Variants in MGRN1 observed in about 807,000 individuals in gnomAD.
MGRN1 encodes mahogunin ring finger 1, also known as E3 ubiquitin-protein ligase MGRN1.
MGRN1 carries 29 observed loss-of-function variants against 69.2 expected under a neutral mutation model. The ratio of observed to expected loss-of-function variants is 0.42; its 90% CI spans 0.31 to 0.57. MGRN1 has a LOEUF of 0.57. Ranked by LOEUF, MGRN1 falls within the 20% of genes least tolerant of loss-of-function variation. The pLI is 0.15. For missense variants in MGRN1, 998 were observed against 796.2 expected (o/e 1.25, Z -3.05); for synonymous variants, 470 against 344.2 (o/e 1.37, Z -4.04).
chr16:4,673,787 C>G (rs776438849), intron 10 of MGRN1, 130 bp downstream of exon 10: 4 of 1,211,546 alleles, frequency 3.3e-6, no homozygotes, highest in Non-Finnish European at 4.5e-6. Context: ...TTCATCTAGT[C>G]TGTGCTGAAC....
At chr16:4,648,568 C>T (rs1279677580) in intron 1 of MGRN1, among the ~76,000 whole-genome samples, 2 of 114,974 alleles carry the variant, frequency 1.7e-5, no homozygotes, top group Admixed American at 8.2e-5. Context: ...GGGCTCTTCC[C>T]GTGGTCACCC....
chr16:4,650,944 T>TG (rs1464073169), intron 2 of MGRN1: 5 of 151,908 alleles, frequency 3.3e-5, no homozygotes, highest in African/African-American at 1.2e-4. Flanking sequence ...CCGTCTCTAC[T>TG]GAAAAAAAAG....
intron 16 of MGRN1, chr16:4,688,540 C>T (rs768068544): frequency 2.8e-4 from 349 of 1,257,250 alleles, no homozygotes; most frequent in Middle Eastern, 2.1e-3. Context: ...CGCTCTGACT[C>T]GGGGCTGCAG....
Position 4,652,834 on chromosome 16 carries a change from G to T in MGRN1, c.443+10G>T, listed in dbSNP as rs747893011. The T allele has an allele frequency of 9.5e-6, 15 of 1,586,316 alleles. No individual in the cohort carries two copies. Among genetic ancestry groups the T allele is most frequent in the African/African-American group, 2.7e-5 (2 of 74,346 alleles). ...TGAACGGCAGGGCAGTGTGAGTCCCGCGGGCGGCTGGCACCGGCCTGGCTG... is the reference window on the plus strand; with the variant it reads ...TGAACGGCAGGGCAGTGTGAGTCCCTCGGGCGGCTGGCACCGGCCTGGCTG... On this transcript the variant is annotated intron_variant, in intron 4 of 16. Coordinates refer to ENST00000262370, the MANE Select transcript of MGRN1 (RefSeq NM_015246.4).
chr16:4,642,086 C>G (rs2078171865), intron 1 of MGRN1, among the ~76,000 whole-genome samples: 1 of 150,206 alleles, frequency 6.7e-6, no homozygotes, highest in South Asian at 2.1e-4. Flanking sequence ...TCCGGTAACC[C>G]TGCACTGTCA....
intron 8 of MGRN1, 115 bp from the exon 9 acceptor site, chr16:4,671,276 C>T: frequency 1.0e-6 from 1 of 986,986 alleles, no homozygotes; most frequent in Non-Finnish European, 1.6e-6. Flanking sequence ...TTGAGCTGGA[C>T]TGACCCCTGG....
intron 16 of MGRN1, among the ~76,000 whole-genome samples, chr16:4,685,990 C>G (rs1053391903): frequency 6.6e-6 from 1 of 152,220 alleles, no homozygotes; most frequent in African/African-American, 2.4e-5. Flanking sequence ...GGACTGCGCC[C>G]GTTAGGTCCT....
intron 1 of MGRN1, among the ~76,000 whole-genome samples, chr16:4,632,355 C>G (rs1017152718): frequency 2.0e-5 from 3 of 151,786 alleles, no homozygotes; most frequent in African/African-American, 7.3e-5. Context: ...TCACAGCATA[C>G]GAGTCACACT....
chr16:4,646,517 G>A (rs2078277919), intron 1 of MGRN1, among the ~76,000 whole-genome samples: 1 of 152,152 alleles, frequency 6.6e-6, no homozygotes, highest in Admixed American at 6.5e-5. Context: ...CGGCATGCCG[G>A]TGCTGGGTTT....
At chr16:4,668,386 T>C in intron 8 of MGRN1, 74 bp downstream of exon 8, 1 of 1,499,740 alleles carries the variant, frequency 6.7e-7, no homozygotes. Context: ...CGCATACTCA[T>C]ACATAGACAC....
chr16:4,690,840 C>G lies in MGRN1; in HGVS notation c.*1932C>G, dbSNP rs900757594. 10 of 140,480 alleles carry G rather than the reference C, an allele frequency of 7.1e-5. No homozygotes were observed. Among genetic ancestry groups the G allele is most frequent in the African/African-American group, 2.6e-4 (10 of 38,868 alleles). The allele number at this position is 140,480 out of a possible 1,614,324, so 8.7% of individuals were successfully genotyped here. A position where few individuals can be genotyped will look rare whatever the true frequency, so the allele number is the denominator to read the frequency against. ...AGCCTCTGGCCATCAGTCCTGGTGC[C>G]AGAGCTTTGCGTGAAGTTCGGGCCG... On this transcript the variant is annotated 3_prime_UTR_variant, in exon 17 of 17. Transcript: ENST00000262370.
At chr16:4,630,755 G>C (rs1052595668) in intron 1 of MGRN1, among the ~76,000 whole-genome samples, 1 of 148,868 alleles carries the variant, frequency 6.7e-6, no homozygotes, top group Non-Finnish European at 1.5e-5. Flanking sequence ...TTTTCTAGAA[G>C]TTTTATAGTT....
At chr16:4,656,871 C>T (rs893677236) in intron 4 of MGRN1, among the ~76,000 whole-genome samples, 1 of 150,134 alleles carries the variant, frequency 6.7e-6, no homozygotes, top group Non-Finnish European at 1.5e-5. Flanking sequence ...CAGAGCGAGA[C>T]TCTTATCTCA....
rs530306184 is a variant in MGRN1 at position 4,646,422 on chromosome 16, CAAAAA to C, written c.89-3934_89-3930del. ...TCGGCGACAGAGCAAGACCCTGTCT[CAAAAA>C]AAAAAAAAGCTGTGGGTGGGCTGTG... On this transcript the variant is annotated intron_variant, in intron 1 of 16. Coordinates refer to ENST00000262370, the MANE Select transcript of MGRN1 (RefSeq NM_015246.4). Among the ~76,000 whole-genome samples, 850 of 140,754 alleles carry C rather than the reference CAAAAA, an allele frequency of 6.0e-3. 11 individuals carry two copies. The highest frequency in any genetic ancestry group is 0.021 in the African/African-American group (813 of 38,728). The allele number at this position is 140,754 out of a possible 152,430, so 92.3% of individuals were successfully genotyped here.
intron 1 of MGRN1, among the ~76,000 whole-genome samples, chr16:4,631,650 G>A (rs1383696613): frequency 2.6e-5 from 4 of 152,214 alleles, no homozygotes; most frequent in Admixed American, 6.5e-5. Context: ...AGTAAGTTGT[G>A]AAATCAGGTA....
At chr16:4,640,121 G>A (rs141712394) in intron 1 of MGRN1, 2 of 152,410 alleles carry the variant, frequency 1.3e-5, no homozygotes, top group African/African-American at 2.4e-5. Flanking sequence ...TCTCGCAGAT[G>A]TCTGGTGGCG....
intron 16 of MGRN1, chr16:4,686,318 A>G: frequency 6.5e-7 from 1 of 1,542,914 alleles, no homozygotes; most frequent in Non-Finnish European, 8.7e-7. Flanking sequence ...GTGACCTCCC[A>G]GACGCGCTTC....
chr16:4,638,601 A>C (rs1185111996), intron 1 of MGRN1, among the ~76,000 whole-genome samples: 3 of 152,148 alleles, frequency 2.0e-5, no homozygotes, highest in Non-Finnish European at 2.9e-5. Context: ...CCCCCAGAGC[A>C]CTCGAAGGCT....
chr16:4,650,317 C>CAA (rs373572089), intron 1 of MGRN1, 48 bp from the exon 2 acceptor site: 2,453 of 1,215,460 alleles, frequency 2.0e-3, no homozygotes, highest in Middle Eastern at 2.3e-3. Flanking sequence ...GACTCTGTCT[C>CAA]AAAAAAAAAA....
Sources: allele counts gnomAD v4.1 joint callset (sites outside exome capture counted in the v4.1 genomes callset), GRCh38; gene constraint gnomAD v4.1.1; transcripts MANE v1.5; gene names NCBI Gene and HGNC (gene_info 2026-07-23, HGNC 2026-07-21).